WFDC6: variants seen among roughly 807,000 people sequenced by gnomAD.
WFDC6 encodes WAP four-disulfide core domain 6.
Under a neutral mutation model 8.2 loss-of-function variants are expected in WFDC6, and 10 were observed. That is an observed-to-expected ratio of 1.22 (90% CI 0.75 to 2.07). The LOEUF is 2.07. Among genes scored for constraint, WFDC6 ranks in the 30% most tolerant of loss-of-function variants. The probability of loss-of-function intolerance (pLI) is 0.00; values close to 1 mark genes in which losing one functional copy is unlikely to be tolerated. For missense variants in WFDC6, 105 were observed against 104.9 expected, an observed-to-expected ratio of 1.00 and a Z score of 0.00; for synonymous variants, 28 against 37.0, an observed-to-expected ratio of 0.76 and a Z score of 0.88.
At position 45,539,342 on chromosome 20, in the gene WFDC6, A is replaced by G. The variant is rs1200242867; in HGVS notation, c.66T>C (p.Pro22=). The change falls in exon 1 of 3, where the codon CCT becomes CCC. Residue 22 remains proline (P), a synonymous_variant. Transcript: ENST00000372670. ...PFILLGDIQE[P]GHAEGILGKP... Reference sequence around the variant, plus strand: ...TGCCAAGGATGCCTTCAGCGTGCCCAGGTTCCTGGATGTCCCCCAAAAGGA... The same window carrying G: ...TGCCAAGGATGCCTTCAGCGTGCCCGGGTTCCTGGATGTCCCCCAAAAGGA... 1 of 1,613,814 alleles carries G rather than the reference A, an allele frequency of 6.2e-7. No homozygotes were observed. Among genetic ancestry groups the G allele is most frequent in the Non-Finnish European group, 8.5e-7 (1 of 1,179,876 alleles).
Position 45,537,896 on chromosome 20 carries a change from G to C in WFDC6, c.222+68C>G, listed in dbSNP as rs75990618. On this transcript the variant is annotated intron_variant, in intron 2 of 2. Coordinates refer to ENST00000372670, the MANE Select transcript of WFDC6 (RefSeq NM_080827.2). Reference sequence around the variant, plus strand: ...CCAGCCATCAGTGAACTAGGAGACAGAGGTAGTGCAGTGCAGGTGGAGATA... The same window carrying C: ...CCAGCCATCAGTGAACTAGGAGACACAGGTAGTGCAGTGCAGGTGGAGATA... 1.7e-3 allele frequency: 2,793 copies of C among 1,609,462 alleles called. 41 individuals are homozygous for C. The African/African-American group carries it at 0.034, about 19-fold the overall frequency.
At position 45,534,416 on chromosome 20, in the gene WFDC6, C is replaced by G. The variant is rs749412383; in HGVS notation, c.*51G>C. On this transcript the variant is annotated 3_prime_UTR_variant, in exon 3 of 3. Coordinates refer to ENST00000372670, the MANE Select transcript of WFDC6 (RefSeq NM_080827.2). ...GCCCGTGGAAGCCAATTTGGAGCAT[C>G]AATCAGGCACACGTGGAGAGAGGCC... is the stretch of plus-strand genomic sequence containing the variant. 1 of 1,611,452 alleles carries G rather than the reference C, an allele frequency of 6.2e-7. No individual in the cohort carries two copies. Among genetic ancestry groups the G allele is most frequent in the South Asian group, 1.1e-5 (1 of 91,010 alleles).
chr20:45,534,226 A>C lies in WFDC6; in HGVS notation c.*241T>G. 1 of 574,684 alleles carries C rather than the reference A, an allele frequency of 1.7e-6. No individual in the cohort carries two copies. Among genetic ancestry groups the C allele is most frequent in the African/African-American group, 1.9e-5 (1 of 53,430 alleles). The allele number at this position is 574,684 out of a possible 1,614,324, so 35.6% of individuals were successfully genotyped here. A position where few individuals can be genotyped will look rare whatever the true frequency, so the allele number is the denominator to read the frequency against. On this transcript the variant is annotated 3_prime_UTR_variant, in exon 3 of 3. Coordinates refer to ENST00000372670, the MANE Select transcript of WFDC6 (RefSeq NM_080827.2). ...CCCCACAGAGCACTTTATTAAGGCA[A>C]CTGAAGCCTTCATACAAATAAATGG...
intron 2 of WFDC6, chr20:45,537,480 C>G: frequency 6.7e-7 from 1 of 1,486,492 alleles, no homozygotes; most frequent in East Asian, 2.5e-5. Context: ...ATAATATGGG[C>G]AGAGAAGAAA....
chr20:45,538,628 A>C (rs1187565518), intron 1 of WFDC6, among the ~76,000 whole-genome samples: 1 of 152,240 alleles, frequency 6.6e-6, no homozygotes, highest in African/African-American at 2.4e-5. Flanking sequence ...ATATGGATGA[A>C]GCACTTACTG....
intron 2 of WFDC6, among the ~76,000 whole-genome samples, chr20:45,536,114 T>A (rs552212239): frequency 1.3e-5 from 2 of 152,342 alleles, no homozygotes; most frequent in African/African-American, 4.8e-5. Flanking sequence ...CATTTCCATT[T>A]ACTTTCTTGT....
chr20:45,535,415 C>T, intron 2 of WFDC6: 1 of 1,202,388 alleles, frequency 8.3e-7, no homozygotes, highest in South Asian at 1.5e-5. Context: ...CCACCATTCC[C>T]TTTGTCTCCA....
chr20:45,535,803 G>A (rs1054019299), intron 2 of WFDC6, among the ~76,000 whole-genome samples: 2 of 152,166 alleles, frequency 1.3e-5, no homozygotes, highest in African/African-American at 4.8e-5. Flanking sequence ...CTGGGCACAG[G>A]ATAAAGTTCT....
Position 45,539,321 on chromosome 20 carries a change from A to G in WFDC6, c.87T>C (p.Leu29=), listed in dbSNP as rs1190719295. The G allele has an allele frequency of 1.1e-5, 17 of 1,613,794 alleles. No homozygotes were observed. Among genetic ancestry groups the G allele is most frequent in the Non-Finnish European group, 1.4e-5 (16 of 1,179,786 alleles). The stretch of plus-strand genomic sequence containing the variant: ...GACGGAGTTCCCAATACTTACTGCC[A>G]AGGATGCCTTCAGCGTGCCCAGGTT... ...IQEPGHAEGI[L]GKPCPKIKVE... The change falls in exon 1 of 3, where the codon CTT becomes CTC. Residue 29 remains leucine, a synonymous_variant. Transcript: ENST00000372670.
intron 2 of WFDC6, chr20:45,535,455 T>A (rs1979330367): frequency 9.3e-7 from 1 of 1,079,436 alleles, no homozygotes; most frequent in African/African-American, 1.7e-5. Flanking sequence ...CAGGGCTCTG[T>A]TCCCAATTCA....
intron 2 of WFDC6, chr20:45,537,227 C>T (rs7347123): frequency 0.03 from 11,611 of 391,562 alleles, 540 homozygotes; most frequent in African/African-American, 0.11. Context: ...GAACATCCTG[C>T]CTCCTGCCAC....
chr20:45,538,052 A>G lies in WFDC6; in HGVS notation c.134T>C (p.Ile45Thr), dbSNP rs138817814. 94 of 1,613,806 alleles carry G rather than the reference A, an allele frequency of 5.8e-5. No homozygotes were observed. The African/African-American group carries it at 1.0e-3, about 17-fold the overall frequency. ...ATCTCTGGGTTTGGTACACTGGTCTATTTCTTCCACTTCGCATTCCACTTT... is the reference window on the plus strand; with the variant it reads ...ATCTCTGGGTTTGGTACACTGGTCTGTTTCTTCCACTTCGCATTCCACTTT... ...KIKVECEVEE[I>T]DQCTKPRDCP... The change falls in exon 2 of 3, where the codon ATA becomes ACA. Residue 45 changes from isoleucine (I) to threonine (T), a missense_variant. Coordinates refer to ENST00000372670, the MANE Select transcript of WFDC6 (RefSeq NM_080827.2).
chr20:45,537,974 T>C lies in WFDC6; in HGVS notation c.212A>G (p.Asp71Gly). ...AAGCATCTGAGTTACCTTTCTGAAG[T>C]CTAAACATTTCTTTCCACGGCTGAA... Reference protein sequence around the residue: ...CPFSRGKKCLDFRKVSLTLYH... With the variant: ...CPFSRGKKCLGFRKVSLTLYH... Residue 71 changes from aspartate to glycine, a missense_variant, in exon 2 of 3, where the codon GAC (aspartate) becomes GGC (glycine). Physicochemically the swap from Asp to Gly is moderately conservative, Grantham distance 94 (BLOSUM62 -1). Coordinates refer to ENST00000372670, the MANE Select transcript of WFDC6 (RefSeq NM_080827.2). 1 of 1,613,844 alleles carries C rather than the reference T, an allele frequency of 6.2e-7. No homozygotes were observed. The highest frequency in any genetic ancestry group is 8.5e-7 in the Non-Finnish European group (1 of 1,179,882).
intron 2 of WFDC6, chr20:45,535,119 T>A: frequency 7.8e-7 from 1 of 1,282,170 alleles, no homozygotes. Context: ...CCTCCCAGTG[T>A]GGCCTTGGTG....
chr20:45,537,377 G>C (rs1475177035), intron 2 of WFDC6: 2 of 783,550 alleles, frequency 2.6e-6, no homozygotes, highest in Admixed American at 2.3e-5. Flanking sequence ...CAATGAGCAA[G>C]TGGAACCCAT....
intron 2 of WFDC6, 106 bp from the exon 3 acceptor site, chr20:45,534,611 T>C: frequency 7.4e-7 from 1 of 1,348,296 alleles, no homozygotes. Context: ...TTTACATCTT[T>C]GGGCAGGAAT....
rs561467367 is a variant in WFDC6 at position 45,539,469 on chromosome 20, A to G, written c.-62T>C. On this transcript the variant is annotated 5_prime_UTR_variant, in exon 1 of 3. It removes the in-frame stop codon of an upstream open reading frame in the 5' UTR. Coordinates refer to ENST00000372670, the MANE Select transcript of WFDC6 (RefSeq NM_080827.2). ...TAAGAACTGCTCCTCAGCAGCTCCTACATCTGCACTTTGCCTGCCCCGGTG... is the reference window on the plus strand; with the variant it reads ...TAAGAACTGCTCCTCAGCAGCTCCTGCATCTGCACTTTGCCTGCCCCGGTG... 7 of 1,498,570 alleles carry G rather than the reference A, an allele frequency of 4.7e-6. No homozygotes were observed. The African/African-American group carries it at 5.5e-5, about 12-fold the overall frequency. 92.8% of individuals were successfully genotyped at this position (1,498,570 alleles called of 1,614,324 possible).
intron 2 of WFDC6, chr20:45,537,424 T>G: frequency 1.8e-6 from 2 of 1,112,156 alleles, no homozygotes; most frequent in Non-Finnish European, 2.7e-6. Flanking sequence ...ATTTGTTGAA[T>G]GAATAGAATG....
intron 2 of WFDC6, chr20:45,535,036 A>G: frequency 1.0e-6 from 1 of 955,742 alleles, no homozygotes; most frequent in South Asian, 1.7e-5. Context: ...TTCTACTTAT[A>G]CTTCTGCATT....
Sources: allele counts gnomAD v4.1 joint callset (sites outside exome capture counted in the v4.1 genomes callset), GRCh38; gene constraint gnomAD v4.1.1; transcripts MANE v1.5; gene names NCBI Gene and HGNC (gene_info 2026-07-23, HGNC 2026-07-21).